The following CEBPG variants were observed in gnomAD, a reference collection of about 807,000 sequenced individuals.
CEBPG encodes the protein CCAAT/enhancer-binding protein gamma.
In CEBPG, 6 loss-of-function variants were observed where a neutral mutation model predicts 11.1. The observed-to-expected ratio is 0.54, with a 90% CI of 0.30 to 1.07. The LOEUF is 1.07. Among genes scored for constraint, CEBPG ranks in the 50% least tolerant of loss-of-function variants. CEBPG has a pLI of 0.07. For missense variants in CEBPG, 161 were observed against 187.4 expected, an observed-to-expected ratio of 0.86 and a Z score of 0.82; for synonymous variants, 66 against 71.0, an observed-to-expected ratio of 0.93 and a Z score of 0.36.
At chr19:33,375,855 C>G (rs1309917745) in intron 1 of CEBPG, among the ~76,000 whole-genome samples, 1 of 152,122 alleles carries the variant, frequency 6.6e-6, no homozygotes, top group Non-Finnish European at 1.5e-5. Context: ...GAGAGAGGGT[C>G]AGGACCTTGG....
chr19:33,374,918 G>A (rs953325821), intron 1 of CEBPG, among the ~76,000 whole-genome samples: 2 of 152,164 alleles, frequency 1.3e-5, no homozygotes, highest in Non-Finnish European at 2.9e-5. Context: ...AATCCTATAA[G>A]GGCTTGCTTT....
chr19:33,379,232 G>A lies in CEBPG; in HGVS notation c.-8G>A. ...ACCTGTTCTGTGTTGGCAAGGGAGA[G>A]TGCCCAAATGAGCAAGATATCGCAG... On this transcript the variant is annotated 5_prime_UTR_variant, in exon 2 of 2. In the 5' UTR this introduces an upstream ATG that the reference lacks. Coordinates refer to ENST00000284000, the MANE Select transcript of CEBPG (RefSeq NM_001806.4). The A allele has an allele frequency of 1.3e-6, 2 of 1,526,140 alleles. No individual in the cohort carries two copies. Among genetic ancestry groups the A allele is most frequent in the Non-Finnish European group, 8.8e-7 (1 of 1,137,384 alleles). 94.5% of individuals were successfully genotyped at this position (1,526,140 alleles called of 1,614,324 possible).
intron 1 of CEBPG, among the ~76,000 whole-genome samples, chr19:33,377,111 C>T (rs1178397901): frequency 1.3e-5 from 2 of 152,180 alleles, no homozygotes; most frequent in Admixed American, 1.3e-4. Flanking sequence ...GTGAAAAAGC[C>T]CTTCCCTGTT....
rs1967991795 is a variant in CEBPG, at chr19:33,381,717, A to C, written c.*2025A>C. The stretch of plus-strand genomic sequence containing the variant: ...TCGATGCTCCCATGGAATTTATACC[A>C]GTTATATGAATTGACTTAAGTATCT... On this transcript the variant is annotated 3_prime_UTR_variant, in exon 2 of 2. Coordinates refer to ENST00000284000, the MANE Select transcript of CEBPG (RefSeq NM_001806.4). 6.0e-6 allele frequency: 1 copy of C among 167,126 alleles called. No homozygotes were observed. The allele number at this position is 167,126 out of a possible 1,614,324, so 10.4% of individuals were successfully genotyped here. A position where few individuals can be genotyped will look rare whatever the true frequency, so the allele number is the denominator to read the frequency against.
In CEBPG at chr19:33,380,143, T is replaced by C. The variant is rs1032580809; in HGVS notation, c.*451T>C. 2 of 168,342 alleles carry C rather than the reference T, an allele frequency of 1.2e-5. No individual in the cohort carries two copies. Among genetic ancestry groups the C allele is most frequent in the African/African-American group, 4.8e-5 (2 of 41,464 alleles). 10.4% of individuals were successfully genotyped at this position (168,342 alleles called of 1,614,324 possible). On this transcript the variant is annotated 3_prime_UTR_variant, in exon 2 of 2. Transcript: ENST00000284000. The stretch of plus-strand genomic sequence containing the variant: ...TTGTGATTTTCTTCTAAATTATGTA[T>C]TATAAATTCGTAGAGCTATAGAAAG...
intron 1 of CEBPG, among the ~76,000 whole-genome samples, chr19:33,376,454 G>C (rs2145309722): frequency 6.6e-6 from 1 of 152,362 alleles, no homozygotes; most frequent in Admixed American, 6.5e-5. Context: ...GAGGCCCTCA[G>C]ACTTCAGTGT....
At chr19:33,378,030 C>G (rs1160490393) in intron 1 of CEBPG, among the ~76,000 whole-genome samples, 1 of 152,136 alleles carries the variant, frequency 6.6e-6, no homozygotes, top group Admixed American at 6.5e-5. Context: ...GTTTTATGTT[C>G]CTAACACTGC....
chr19:33,379,516 A>C lies in CEBPG; in HGVS notation c.277A>C (p.Arg93=), dbSNP rs1157014951. The C allele has an allele frequency of 4.3e-6, 7 of 1,614,136 alleles. No homozygotes were observed. Among genetic ancestry groups the C allele is most frequent in the Non-Finnish European group, 5.9e-6 (7 of 1,179,974 alleles). The change falls in exon 2 of 2, where the codon AGA becomes CGA. Residue 93 remains arginine, a synonymous_variant. Transcript: ENST00000284000. ...GCAGAAAGCACAAGACACACTGCAG[A>C]GAGTCAATCAGCTCAAAGAAGAGAA... ...SKQKAQDTLQ[R]VNQLKEENER...
At position 33,379,368 on chromosome 19, in the gene CEBPG, C is replaced by G; in HGVS notation, c.129C>G (p.Gly43=). The G allele has an allele frequency of 6.2e-7, 1 of 1,613,974 alleles. No homozygotes were observed. The highest frequency in any genetic ancestry group is 8.5e-7 in the Non-Finnish European group (1 of 1,180,018). Residue 43 remains glycine (G), a synonymous_variant, in exon 2 of 2, where the codon GGC becomes GGG. Transcript: ENST00000284000. ...QLVPAGPGGG[G]KAVAPSKQSK... ...TGCCTGCTGGCCCTGGGGGAGGAGG[C>G]AAAGCTGTGGCTCCCAGCAAGCAGA... is the stretch of plus-strand genomic sequence containing the variant.
At position 33,381,532 on chromosome 19, in the gene CEBPG, G is replaced by A. The variant is rs1967988887; in HGVS notation, c.*1840G>A. ...AATCTACCCATGAAGGATGAGAGAT[G>A]TTTTGAAAAACTAGCCAGGACACAC... On this transcript the variant is annotated 3_prime_UTR_variant, in exon 2 of 2. Coordinates refer to ENST00000284000, the MANE Select transcript of CEBPG (RefSeq NM_001806.4). 6.0e-6 allele frequency: 1 copy of A among 167,008 alleles called. No homozygotes were observed. The highest frequency in any genetic ancestry group is 2.4e-5 in the African/African-American group (1 of 41,432). 10.3% of individuals were successfully genotyped at this position (167,008 alleles called of 1,614,324 possible).
Position 33,379,478 on chromosome 19 carries a change from G to C in CEBPG, c.239G>C (p.Arg80Pro). ...AACAACATGGCTGTGAAAAAGAGCC[G>C]GTTGAAAAGCAAGCAGAAAGCACAA... ...ERNNMAVKKSRLKSKQKAQDT... is the reference protein window; with the variant it reads ...ERNNMAVKKSPLKSKQKAQDT... Residue 80 changes from arginine (R) to proline (P), a missense_variant, in exon 2 of 2, where the codon CGG (arginine) becomes CCG (proline). Transcript: ENST00000284000. 6.2e-7 allele frequency: 1 copy of C among 1,613,954 alleles called. No homozygotes were observed. The highest frequency in any genetic ancestry group is 8.5e-7 in the Non-Finnish European group (1 of 1,179,998).
chr19:33,374,135 T>C (rs1005148322), intron 1 of CEBPG, among the ~76,000 whole-genome samples: 1 of 148,482 alleles, frequency 6.7e-6, no homozygotes. Context: ...GGCCCAGCGC[T>C]GCGGCGCCGC....
intron 1 of CEBPG, among the ~76,000 whole-genome samples, chr19:33,375,890 G>C (rs1393830315): frequency 3.3e-5 from 5 of 152,176 alleles, no homozygotes; most frequent in African/African-American, 1.2e-4. Context: ...ACTGGAGCCA[G>C]AGATGAATTT....
At chr19:33,377,401 GA>G (rs1201895662) in intron 1 of CEBPG, among the ~76,000 whole-genome samples, 1 of 152,158 alleles carries the variant, frequency 6.6e-6, no homozygotes, top group African/African-American at 2.4e-5. Context: ...TGGACAAGTT[GA>G]CTGTAGAGAG....
At chr19:33,377,558 T>G (rs540608874) in intron 1 of CEBPG, among the ~76,000 whole-genome samples, 1 of 152,274 alleles carries the variant, frequency 6.6e-6, no homozygotes, top group South Asian at 2.1e-4. Flanking sequence ...TGACACCAAA[T>G]GGATAATAAT....
chr19:33,378,768 C>G (rs1254938146), intron 1 of CEBPG, among the ~76,000 whole-genome samples: 1 of 152,146 alleles, frequency 6.6e-6, no homozygotes, highest in Non-Finnish European at 1.5e-5. Context: ...AACTTTTCCC[C>G]CCTTTCATTG....
Position 33,376,540 on chromosome 19 carries a change from G to A in CEBPG, c.-96-2604G>A, listed in dbSNP as rs369364792. 1.9e-4 allele frequency among the ~76,000 whole-genome samples: 29 copies of A among 152,258 alleles called. No individual in the cohort carries two copies. The East Asian group carries it at 2.9e-3, about 15-fold the overall frequency. On this transcript the variant is annotated intron_variant, in intron 1 of 1. Transcript: ENST00000284000. ...CTTAGAACTCCTGATTCTAAGTCTG[G>A]GGCAGCCTGAGAAGTTACATTTCTA...
chr19:33,382,047 T>G lies in CEBPG; in HGVS notation c.*2355T>G, dbSNP rs1967996635. The G allele has an allele frequency of 6.0e-6, 1 of 167,132 alleles. No individual in the cohort carries two copies. Among genetic ancestry groups the G allele is most frequent in the Admixed American group, 6.5e-5 (1 of 15,296 alleles). 10.4% of individuals were successfully genotyped at this position (167,132 alleles called of 1,614,324 possible). ...GGAATTGTGAGGTGACTTTTGTAACTTTTGTTCTGTGTGTGACCTGTGAAC... is the reference window on the plus strand; with the variant it reads ...GGAATTGTGAGGTGACTTTTGTAACGTTTGTTCTGTGTGTGACCTGTGAAC... On this transcript the variant is annotated 3_prime_UTR_variant, in exon 2 of 2. Coordinates refer to ENST00000284000, the MANE Select transcript of CEBPG (RefSeq NM_001806.4).
chr19:33,375,983 C>T (rs1967906727), intron 1 of CEBPG, among the ~76,000 whole-genome samples: 1 of 152,098 alleles, frequency 6.6e-6, no homozygotes, highest in Non-Finnish European at 1.5e-5. Flanking sequence ...AGACCAGAGA[C>T]CAGTGTCCCT....
Sources: allele counts gnomAD v4.1 joint callset (sites outside exome capture counted in the v4.1 genomes callset), GRCh38; gene constraint gnomAD v4.1.1; transcripts MANE v1.5; gene names NCBI Gene and HGNC (gene_info 2026-07-23, HGNC 2026-07-21).